Variants in MAP2 observed in about 807,000 individuals in gnomAD.
The protein encoded by MAP2 is microtubule associated protein 2.
A neutral mutation model predicts 137.6 loss-of-function variants in MAP2; 14 were observed. That is an observed-to-expected ratio of 0.10 (90% CI 0.07 to 0.16). The LOEUF is 0.16. MAP2 is among the 10% of genes least tolerant of loss of function. The probability of loss-of-function intolerance (pLI) is 1.00; values close to 1 mark genes in which losing one functional copy is unlikely to be tolerated. For synonymous variants in MAP2, 786 were observed against 782.3 expected, an observed-to-expected ratio of 1.00 and a Z score of -0.08; for missense variants, 2,088 against 2,191.5, an observed-to-expected ratio of 0.95 and a Z score of 0.94.
intron 2 of MAP2, among the ~76,000 whole-genome samples, chr2:209,512,007 CT>C (rs2061787845): frequency 6.6e-6 from 1 of 152,068 alleles, no homozygotes; most frequent in Non-Finnish European, 1.5e-5. Context: ...TAATTCTAAT[CT>C]TTTCCTCTGG....
intron 10 of MAP2, among the ~76,000 whole-genome samples, chr2:209,699,187 G>C (rs1051886051): frequency 2.6e-4 from 39 of 152,220 alleles, no homozygotes; most frequent in African/African-American, 4.8e-5. Flanking sequence ...CGTTTTCACT[G>C]CTTCCTTAAA....
At chr2:209,644,387 G>A (rs372959626) in intron 4 of MAP2, among the ~76,000 whole-genome samples, 43 of 151,920 alleles carry the variant, frequency 2.8e-4, no homozygotes, top group Non-Finnish European at 4.6e-4. Context: ...CATATGCACC[G>A]GAGCATATGA....
intron 13 of MAP2, among the ~76,000 whole-genome samples, chr2:209,723,409 G>A (rs1444461637): frequency 6.6e-6 from 1 of 152,166 alleles, no homozygotes; most frequent in African/African-American, 2.4e-5. Context: ...CCTTGTGGGT[G>A]CAGAAGAATA....
chr2:209,702,128 G>C (rs979574405), intron 11 of MAP2, among the ~76,000 whole-genome samples: 3 of 151,984 alleles, frequency 2.0e-5, no homozygotes, highest in African/African-American at 7.2e-5. Flanking sequence ...TAGAAAATAA[G>C]TCTGACCTTT....
chr2:209,644,345 T>G (rs1373193555), intron 4 of MAP2, among the ~76,000 whole-genome samples: 1 of 152,166 alleles, frequency 6.6e-6, no homozygotes, highest in Non-Finnish European at 1.5e-5. Context: ...CCTATTCGTG[T>G]CCAGTAGTTT....
At chr2:209,658,765 C>G (rs1416208106) in intron 5 of MAP2, among the ~76,000 whole-genome samples, 1 of 152,110 alleles carries the variant, frequency 6.6e-6, no homozygotes, top group African/African-American at 2.4e-5. Context: ...CCTCGACCTC[C>G]CAAAGTGCTG....
intron 5 of MAP2, among the ~76,000 whole-genome samples, chr2:209,664,137 GT>G (rs2045086270): frequency 6.6e-6 from 1 of 152,172 alleles, no homozygotes; most frequent in African/African-American, 2.4e-5. Context: ...CAGTCAGTAG[GT>G]TGGAAATGCT....
chr2:209,609,946 A>G (rs1473086415), intron 3 of MAP2, among the ~76,000 whole-genome samples: 1 of 152,166 alleles, frequency 6.6e-6, no homozygotes, highest in Non-Finnish European at 1.5e-5. Flanking sequence ...ATACATACTT[A>G]TGGAGCACTA....
At position 209,700,284 on chromosome 2, in the gene MAP2, T is replaced by A. The variant is rs773511433; in HGVS notation, c.4530T>A (p.Gly1510=). The change falls in exon 11 of 16, where the codon GGT becomes GGA. Residue 1510 remains glycine, a synonymous_variant. Transcript: ENST00000682079. The stretch of plus-strand genomic sequence containing the variant: ...GTCTTTTATTTTCAACAGCAGCAGG[T>A]GGGGAATCAGCTCTGGCTCCCAGTG... The part of the protein sequence containing the change: ...SCVKRKTTAA[G]GESALAPSVF... 1.9e-6 allele frequency: 3 copies of A among 1,613,384 alleles called. No individual in the cohort carries two copies. The Admixed American group carries it at 5.0e-5, about 27-fold the overall frequency.
intron 1 of MAP2, among the ~76,000 whole-genome samples, chr2:209,443,570 CG>C (rs68013811): frequency 0.99 from 149,411 of 151,660 alleles, 73,712 homozygotes; most frequent in Non-Finnish European, 1. Flanking sequence ...GTCTCTTCAA[CG>C]ACCCACTCCC....
intron 1 of MAP2, among the ~76,000 whole-genome samples, chr2:209,492,947 T>G (rs2059304830): frequency 6.6e-6 from 1 of 152,132 alleles, no homozygotes; most frequent in Non-Finnish European, 1.5e-5. Context: ...TACTTTAAAT[T>G]TCATACAGAA....
intron 1 of MAP2, among the ~76,000 whole-genome samples, chr2:209,444,763 G>A (rs1698643717): frequency 6.6e-6 from 1 of 151,548 alleles, no homozygotes; most frequent in East Asian, 1.9e-4. Context: ...ATTCAACCGT[G>A]TATTCTTTGA....
At chr2:209,686,346 A>C (rs2057002924) in intron 7 of MAP2, among the ~76,000 whole-genome samples, 2 of 152,238 alleles carry the variant, frequency 1.3e-5, no homozygotes, top group South Asian at 4.1e-4. Context: ...ATGTTATTTT[A>C]GTATCCTCAT....
At chr2:209,444,895 TTTGA>T (rs1698690704) in intron 1 of MAP2, among the ~76,000 whole-genome samples, 2 of 151,400 alleles carry the variant, frequency 1.3e-5, no homozygotes, top group African/African-American at 2.4e-5. Context: ...AAAAGAAATG[TTTGA>T]TTGTCACATA....
intron 3 of MAP2, among the ~76,000 whole-genome samples, chr2:209,615,014 T>TC (rs2088662779): frequency 6.6e-6 from 1 of 152,170 alleles, no homozygotes. Context: ...AGCCTGTATT[T>TC]CCCTCTCTCT....
chr2:209,586,884 T>A (rs1431384664), intron 3 of MAP2, among the ~76,000 whole-genome samples: 2 of 152,116 alleles, frequency 1.3e-5, no homozygotes, highest in Non-Finnish European at 2.9e-5. Flanking sequence ...TGAAGTGAGC[T>A]CTTCTTATTC....
At chr2:209,562,378 TG>T (rs1218863586) in intron 2 of MAP2, among the ~76,000 whole-genome samples, 2 of 150,088 alleles carry the variant, frequency 1.3e-5, no homozygotes, top group Non-Finnish European at 2.9e-5. Context: ...AGCTACACAC[TG>T]GGGGTGTCTC....
intron 1 of MAP2, among the ~76,000 whole-genome samples, chr2:209,443,421 G>A (rs566641304): frequency 2.7e-4 from 41 of 151,694 alleles, no homozygotes; most frequent in South Asian, 4.1e-4. Flanking sequence ...CAGGTTCACC[G>A]TTCTGTTTAG....
At chr2:209,716,261 T>A (rs2067557474) in intron 13 of MAP2, among the ~76,000 whole-genome samples, 1 of 152,220 alleles carries the variant, frequency 6.6e-6, no homozygotes, top group Non-Finnish European at 1.5e-5. Context: ...GTCCATAATG[T>A]CCCATACATA....
Sources: allele counts gnomAD v4.1 joint callset (sites outside exome capture counted in the v4.1 genomes callset), GRCh38; gene constraint gnomAD v4.1.1; transcripts MANE v1.5; gene names NCBI Gene and HGNC (gene_info 2026-07-23, HGNC 2026-07-21).